The following FANCL variants were observed in gnomAD, a reference collection of about 807,000 sequenced individuals.
FANCL encodes FA complementation group L.
Under a neutral mutation model 59.4 loss-of-function variants are expected in FANCL, and 69 were observed. The observed-to-expected ratio is 1.16, with a 90% CI of 0.96 to 1.42. The LOEUF is 1.42. FANCL is among the 40% of genes most tolerant of loss of function. The pLI, the probability that FANCL is intolerant of heterozygous loss-of-function variation, is 0.00. For missense variants in FANCL, 519 were observed against 447.2 expected (o/e 1.16, Z -1.45); for synonymous variants, 180 against 147.1 (o/e 1.22, Z -1.62).
At chr2:58,210,003 A>G (rs144750713) in intron 5 of FANCL, among the ~76,000 whole-genome samples, 4 of 152,334 alleles carry the variant, frequency 2.6e-5, no homozygotes, top group African/African-American at 9.6e-5. Context: ...ACAAACTTGA[A>G]AAGTTCAACT....
chr2:58,231,077 T>A (rs547723908), intron 2 of FANCL, among the ~76,000 whole-genome samples: 27 of 152,320 alleles, frequency 1.8e-4, no homozygotes, highest in African/African-American at 6.0e-4. Context: ...TCTCTTTATT[T>A]GGCTTGAAAG....
chr2:58,167,120 G>A (rs1336760560), intron 7 of FANCL, among the ~76,000 whole-genome samples: 1 of 152,214 alleles, frequency 6.6e-6, no homozygotes, highest in African/African-American at 2.4e-5. Context: ...ACAGAGGCAG[G>A]AGAATCACTT....
intron 4 of FANCL, among the ~76,000 whole-genome samples, chr2:58,225,615 T>C (rs913089010): frequency 6.6e-5 from 10 of 152,008 alleles, no homozygotes; most frequent in Non-Finnish European, 1.2e-4. Flanking sequence ...TGGATCCTCA[T>C]GTAATATAAT....
In FANCL at chr2:58,161,558, CT is replaced by C; in HGVS notation, c.983del (p.Gln328ArgfsTer15). The C allele has an allele frequency of 6.2e-7, 1 of 1,611,120 alleles. No homozygotes were observed. Among genetic ancestry groups the C allele is most frequent in the South Asian group, 1.1e-5 (1 of 91,016 alleles). ...TIPDQVCDNS[Q>X]CGQPFHQICL... The stretch of plus-strand genomic sequence containing the variant: ...ATATTTGATGGAAAGGTTGTCCACA[CT>C]GAGAATTATCACACACTTGATCAGG... On this transcript the variant is annotated frameshift_variant, in exon 12 of 14. Coordinates refer to ENST00000233741, the MANE Select transcript of FANCL (RefSeq NM_018062.4). LOFTEE classifies it high-confidence loss of function.
intron 5 of FANCL, among the ~76,000 whole-genome samples, chr2:58,221,570 T>G (rs868461039): frequency 6.6e-6 from 1 of 152,186 alleles, no homozygotes; most frequent in Admixed American, 6.5e-5. Flanking sequence ...AATTGTATAT[T>G]AACCAAAAAT....
chr2:58,209,129 A>C (rs565080914), intron 5 of FANCL, among the ~76,000 whole-genome samples: 32 of 152,130 alleles, frequency 2.1e-4, no homozygotes, highest in African/African-American at 7.5e-4. Context: ...AATTCCTCCA[A>C]ACTCACATTG....
chr2:58,225,968 A>T (rs1692961206), intron 4 of FANCL, among the ~76,000 whole-genome samples: 1 of 152,058 alleles, frequency 6.6e-6, no homozygotes, highest in Non-Finnish European at 1.5e-5. Context: ...ATAAGAAATT[A>T]TTAACTTTAT....
intron 5 of FANCL, among the ~76,000 whole-genome samples, chr2:58,209,764 T>A (rs1446226665): frequency 6.6e-6 from 1 of 152,158 alleles, no homozygotes; most frequent in Non-Finnish European, 1.5e-5. Flanking sequence ...ACACAGCAGA[T>A]AAGCAAGAAT....
At chr2:58,187,060 A>G (rs1688471217) in intron 7 of FANCL, among the ~76,000 whole-genome samples, 2 of 152,130 alleles carry the variant, frequency 1.3e-5, no homozygotes. Context: ...CAATCCCATG[A>G]CTGGGTATAT....
intron 7 of FANCL, among the ~76,000 whole-genome samples, chr2:58,169,935 G>T (rs746934437): frequency 1.4e-4 from 22 of 152,156 alleles, no homozygotes; most frequent in Admixed American, 8.5e-4. Flanking sequence ...TGATTGGTGT[G>T]CCTGAAAGTG....
intron 7 of FANCL, among the ~76,000 whole-genome samples, chr2:58,169,836 TGAA>T (rs1248242435): frequency 6.6e-6 from 1 of 151,944 alleles, no homozygotes; most frequent in Non-Finnish European, 1.5e-5. Context: ...AAATAAAGTG[TGAA>T]GACAAGATTA....
intron 5 of FANCL, among the ~76,000 whole-genome samples, chr2:58,219,266 A>G (rs1692234252): frequency 6.8e-6 from 1 of 146,788 alleles, no homozygotes; most frequent in Non-Finnish European, 1.5e-5. Flanking sequence ...CTCAATGGCC[A>G]AAGCTAGAAC....
chr2:58,166,016 T>C, intron 7 of FANCL, 142 bp from the exon 8 acceptor site: 1 of 740,518 alleles, frequency 1.4e-6, no homozygotes, highest in Non-Finnish European at 2.3e-6. Context: ...AGTAGTCGAC[T>C]CTCCCTGCTT....
At position 58,163,094 on chromosome 2, in the gene FANCL, A is replaced by T; in HGVS notation, c.776-20T>A. The stretch of plus-strand genomic sequence containing the variant: ...TTACCACTTCAGATTAAAAAAAAAA[A>T]ATTTAATAATTGCATGCTCTACTCT... On this transcript the variant is annotated intron_variant, in intron 9 of 13. Coordinates refer to ENST00000233741, the MANE Select transcript of FANCL (RefSeq NM_018062.4). 6.3e-7 allele frequency: 1 copy of T among 1,597,618 alleles called. No individual in the cohort carries two copies. The highest frequency in any genetic ancestry group is 8.6e-7 in the Non-Finnish European group (1 of 1,167,690).
intron 5 of FANCL, among the ~76,000 whole-genome samples, chr2:58,219,171 A>T (rs13028673): frequency 0.02 from 374 of 18,966 alleles, 11 homozygotes; most frequent in Non-Finnish European, 0.026. Context: ...AAAAAAAAAA[A>T]ATATATATAT....
At position 58,221,484 on chromosome 2, in the gene FANCL, C is replaced by T. The variant is rs560009587; in HGVS notation, c.374+458G>A. Among the ~76,000 whole-genome samples, 82 of 152,044 alleles carry T rather than the reference C, an allele frequency of 5.4e-4. 1 individual carries two copies. In the South Asian group the frequency reaches 0.017, roughly 31 times the overall value. On this transcript the variant is annotated intron_variant, in intron 5 of 13. Coordinates refer to ENST00000233741, the MANE Select transcript of FANCL (RefSeq NM_018062.4). Reference sequence around the variant, plus strand: ...AAGAAAGCTGGATGATTCTTACAAACCCTAGTTGCTAAAATTTACCACTCA... The same window carrying T: ...AAGAAAGCTGGATGATTCTTACAAATCCTAGTTGCTAAAATTTACCACTCA...
intron 7 of FANCL, among the ~76,000 whole-genome samples, chr2:58,186,368 T>C (rs551811877): frequency 9.9e-5 from 15 of 152,216 alleles, no homozygotes; most frequent in East Asian, 5.8e-4. Flanking sequence ...ACAATGACAA[T>C]TGGCCCAAGC....
chr2:58,166,524 A>G (rs1685969213), intron 7 of FANCL, among the ~76,000 whole-genome samples: 1 of 152,228 alleles, frequency 6.6e-6, no homozygotes, highest in South Asian at 2.1e-4. Context: ...ACTAAATAAT[A>G]AGTAATGCCA....
chr2:58,236,382 T>C (rs1010331709), intron 1 of FANCL, among the ~76,000 whole-genome samples: 2 of 151,164 alleles, frequency 1.3e-5, no homozygotes, highest in African/African-American at 4.9e-5. Flanking sequence ...CAATAGTGCA[T>C]AAAAAATGGA....
Sources: allele counts gnomAD v4.1 joint callset (sites outside exome capture counted in the v4.1 genomes callset), GRCh38; gene constraint gnomAD v4.1.1; transcripts MANE v1.5; gene names NCBI Gene and HGNC (gene_info 2026-07-23, HGNC 2026-07-21).